Variants in TMEM178B observed in about 807,000 individuals in gnomAD.
TMEM178B encodes transmembrane protein 178B.
A neutral mutation model predicts 31.0 loss-of-function variants in TMEM178B; 5 were observed. The observed-to-expected ratio is 0.16, with a 90% CI of 0.08 to 0.34. The LOEUF (loss-of-function observed/expected upper bound fraction) is 0.34. Ranked by LOEUF, TMEM178B falls within the 10% of genes least tolerant of loss-of-function variation. The pLI, the probability that TMEM178B is intolerant of heterozygous loss-of-function variation, is 1.00. For missense variants in TMEM178B, 275 were observed against 400.3 expected, an observed-to-expected ratio of 0.69 and a Z score of 2.67; for synonymous variants, 164 against 164.0, an observed-to-expected ratio of 1.00 and a Z score of 0.00.
At chr7:141,093,312 A>T (rs1192811436) in intron 1 of TMEM178B, among the ~76,000 whole-genome samples, 1 of 152,228 alleles carries the variant, frequency 6.6e-6, no homozygotes, top group Non-Finnish European at 1.5e-5. Flanking sequence ...GAGAAAAAGA[A>T]GTCAAAGATG....
chr7:141,454,588 CCTCT>C (rs1335170931), intron 3 of TMEM178B, among the ~76,000 whole-genome samples: 1 of 147,702 alleles, frequency 6.8e-6, no homozygotes, highest in African/African-American at 2.5e-5. Flanking sequence ...TCCTCTCTCT[CCTCT>C]CTCTCCTCTC....
At chr7:141,433,057 G>A (rs1278922574) in intron 2 of TMEM178B, among the ~76,000 whole-genome samples, 2 of 152,186 alleles carry the variant, frequency 1.3e-5, no homozygotes, top group African/African-American at 4.8e-5. Context: ...CACACAGTCC[G>A]TAACTCCATC....
chr7:141,141,662 A>G (rs1490346073), intron 1 of TMEM178B, among the ~76,000 whole-genome samples: 1 of 152,204 alleles, frequency 6.6e-6, no homozygotes, highest in Non-Finnish European at 1.5e-5. Context: ...GAAGGAAGAA[A>G]TGAATGAAAC....
chr7:141,212,777 G>A, intron 2 of TMEM178B, 73 bp downstream of exon 2: 1 of 1,196,962 alleles, frequency 8.4e-7, no homozygotes, highest in South Asian at 1.3e-5. Flanking sequence ...AGGATTGGAT[G>A]TGCCTCCTTC....
chr7:141,146,669 A>T (rs1402043055), intron 1 of TMEM178B, among the ~76,000 whole-genome samples: 1 of 152,180 alleles, frequency 6.6e-6, no homozygotes, highest in East Asian at 1.9e-4. Context: ...GGATCTTCAT[A>T]GCCTTATTGT....
At chr7:141,284,746 T>G (rs1051404752) in intron 2 of TMEM178B, among the ~76,000 whole-genome samples, 1 of 152,194 alleles carries the variant, frequency 6.6e-6, no homozygotes, top group Non-Finnish European at 1.5e-5. Context: ...ACAACACTAC[T>G]GTCTGTTCAA....
intron 2 of TMEM178B, among the ~76,000 whole-genome samples, chr7:141,246,982 C>T (rs1475759576): frequency 1.3e-5 from 2 of 152,154 alleles, no homozygotes; most frequent in Non-Finnish European, 2.9e-5. Context: ...ATCATCTCTG[C>T]AGCTAGAATG....
intron 3 of TMEM178B, among the ~76,000 whole-genome samples, chr7:141,449,056 A>T (rs1801813352): frequency 6.6e-6 from 1 of 151,810 alleles, no homozygotes; most frequent in Admixed American, 6.6e-5. Flanking sequence ...TGTGATGATG[A>T]CTCCACAGTG....
chr7:141,270,660 G>T (rs1445152789), intron 2 of TMEM178B, among the ~76,000 whole-genome samples: 1 of 152,180 alleles, frequency 6.6e-6, no homozygotes, highest in Non-Finnish European at 1.5e-5. Context: ...TCGAGTTGAG[G>T]TTTAATCAAA....
chr7:141,464,842 G>A (rs535802523), intron 3 of TMEM178B, among the ~76,000 whole-genome samples: 1 of 152,252 alleles, frequency 6.6e-6, no homozygotes, highest in East Asian at 1.9e-4. Flanking sequence ...GACTGCCCTG[G>A]CCAGGGTTAT....
intron 2 of TMEM178B, among the ~76,000 whole-genome samples, chr7:141,424,531 C>A (rs1801279062): frequency 6.6e-6 from 1 of 152,192 alleles, no homozygotes; most frequent in Non-Finnish European, 1.5e-5. Context: ...CCAGTTAGTG[C>A]AGTTTGCCTC....
At chr7:141,162,891 C>T (rs780403572) in intron 1 of TMEM178B, among the ~76,000 whole-genome samples, 1 of 152,208 alleles carries the variant, frequency 6.6e-6, no homozygotes, top group Non-Finnish European at 1.5e-5. Context: ...TCCCTCACTT[C>T]ACTAGCAAAC....
At chr7:141,197,666 T>C (rs1434349982) in intron 1 of TMEM178B, among the ~76,000 whole-genome samples, 1 of 152,208 alleles carries the variant, frequency 6.6e-6, no homozygotes, top group Non-Finnish European at 1.5e-5. Flanking sequence ...GGAGTCTCAC[T>C]GTCTTGCCTA....
At chr7:141,405,374 G>A (rs996912509) in intron 2 of TMEM178B, among the ~76,000 whole-genome samples, 12 of 152,218 alleles carry the variant, frequency 7.9e-5, no homozygotes, top group Non-Finnish European at 1.3e-4. Flanking sequence ...CACCATCATG[G>A]AGGCCTTTCC....
Position 141,344,626 on chromosome 7 carries a change from T to TCCTTCCTTCCTC in TMEM178B, c.497-92979_497-92978insTCCTTCCTCCCT, listed in dbSNP as rs1563157512. On this transcript the variant is annotated intron_variant, in intron 2 of 3. Coordinates refer to ENST00000565468, the MANE Select transcript of TMEM178B (RefSeq NM_001195278.2). The surrounding 1 kb of genome is among the most constrained non-coding windows in gnomAD (Gnocchi z 4.1). ...TTCCTTCCTTCCTTCCTTCCTTCCT[T>TCCTTCCTTCCTC]CCTCCCTTCCTTCTTCCCTTCATCA... Among the ~76,000 whole-genome samples, 2 of 127,382 alleles carry TCCTTCCTTCCTC rather than the reference T, an allele frequency of 1.6e-5. No homozygotes were observed. The highest frequency in any genetic ancestry group is 5.8e-5 in the African/African-American group (2 of 34,214). 83.6% of individuals were successfully genotyped at this position (127,382 alleles called of 152,430 possible).
At chr7:141,507,133 A>AG in the TMEM178B span, among the ~76,000 whole-genome samples, 1 of 152,124 alleles carries the variant, frequency 6.6e-6, no homozygotes, top group South Asian at 2.1e-4. Flanking sequence ...CAGCTTTTCT[A>AG]GGTGCACCGT....
At chr7:141,176,078 G>C (rs930428055) in intron 1 of TMEM178B, among the ~76,000 whole-genome samples, 10 of 152,204 alleles carry the variant, frequency 6.6e-5, no homozygotes, top group Admixed American at 2.6e-4. Context: ...CATTCAGCAT[G>C]ATATTGGCTG....
At chr7:141,458,498 G>C (rs1327234008) in intron 3 of TMEM178B, among the ~76,000 whole-genome samples, 1 of 152,146 alleles carries the variant, frequency 6.6e-6, no homozygotes, top group African/African-American at 2.4e-5. Context: ...CAGAATGAAG[G>C]GTCCTGAGTA....
At chr7:141,440,970 A>G (rs17162220) in intron 3 of TMEM178B, among the ~76,000 whole-genome samples, 3,206 of 152,352 alleles carry the variant, frequency 0.021, 126 homozygotes, top group African/African-American at 0.071. Flanking sequence ...GAACAAAGCC[A>G]CTAAGAGCTG....
Sources: gnomAD v4.1 joint callset for allele counts (sites outside exome capture counted in the v4.1 genomes callset) on GRCh38, gnomAD v4.1.1 for gene constraint, Gnocchi (gnomAD v3.1) non-coding constraint, MANE v1.5 for transcripts, NCBI Gene and HGNC (gene_info 2026-07-23, HGNC 2026-07-21) for gene names.